Variants in UHRF1 observed in about 807,000 individuals in gnomAD.
UHRF1 encodes the protein ubiquitin like with PHD and ring finger domains 1, also known as E3 ubiquitin-protein ligase UHRF1.
A neutral mutation model predicts 96.5 loss-of-function variants in UHRF1; 9 were observed. The ratio of observed to expected loss-of-function variants is 0.09; its 90% CI spans 0.06 to 0.16. The LOEUF (loss-of-function observed/expected upper bound fraction) is 0.16, where lower values mean the gene tolerates loss of function less well. Among genes scored for constraint, UHRF1 ranks in the 10% least tolerant of loss-of-function variants. The pLI, the probability that UHRF1 is intolerant of heterozygous loss-of-function variation, is 1.00. For synonymous variants in UHRF1, 455 were observed against 469.9 expected, an observed-to-expected ratio of 0.97 and a Z score of 0.41; for missense variants, 626 against 1,131.1, an observed-to-expected ratio of 0.55 and a Z score of 6.40.
intron 16 of UHRF1, 109 bp downstream of exon 16, chr19:4,956,922 G>C (rs899445618): frequency 2.5e-6 from 2 of 788,832 alleles, no homozygotes; most frequent in Non-Finnish European, 4.3e-6. Flanking sequence ...GCTTTGCTCC[G>C]CTCACTCTGC....
chr19:4,917,456 C>T (rs2032559408), intron 2 of UHRF1, among the ~76,000 whole-genome samples: 1 of 151,482 alleles, frequency 6.6e-6, no homozygotes, highest in African/African-American at 2.4e-5. Flanking sequence ...GAGATCGAGA[C>T]CATGCTGGCC....
At chr19:4,926,296 C>A in intron 2 of UHRF1, among the ~76,000 whole-genome samples, 1 of 152,186 alleles carries the variant, frequency 6.6e-6, no homozygotes. Flanking sequence ...GTGCCTCTTC[C>A]TCTCCATCCG....
chr19:4,913,643 G>C (rs764582717), intron 2 of UHRF1, among the ~76,000 whole-genome samples: 1 of 152,096 alleles, frequency 6.6e-6, no homozygotes, highest in African/African-American at 2.4e-5. Flanking sequence ...TGAACAGGGA[G>C]CTGGGATTGG....
chr19:4,943,294 G>C (rs1442734041), intron 7 of UHRF1, among the ~76,000 whole-genome samples: 1 of 152,052 alleles, frequency 6.6e-6, no homozygotes, highest in Non-Finnish European at 1.5e-5. Context: ...GCTTGAGTGG[G>C]TGAGACCTGC....
intron 5 of UHRF1, among the ~76,000 whole-genome samples, chr19:4,933,769 T>C (rs1715665143): frequency 6.6e-6 from 1 of 152,134 alleles, no homozygotes; most frequent in Non-Finnish European, 1.5e-5. Flanking sequence ...GCTGCCGGCT[T>C]TGACTAATAG....
chr19:4,951,815 T>C (rs925818236), intron 13 of UHRF1, among the ~76,000 whole-genome samples: 2 of 151,998 alleles, frequency 1.3e-5, no homozygotes, highest in African/African-American at 4.8e-5. Context: ...CCTGTGGCGA[T>C]GGGAACTGCC....
At chr19:4,946,266 G>A (rs1467350840) in intron 10 of UHRF1, among the ~76,000 whole-genome samples, 1 of 151,546 alleles carries the variant, frequency 6.6e-6, no homozygotes, top group Non-Finnish European at 1.5e-5. Flanking sequence ...CCTGGGAGTG[G>A]AATCGCACGG....
At chr19:4,931,222 G>A (rs262568) in intron 4 of UHRF1, among the ~76,000 whole-genome samples, 76 of 152,272 alleles carry the variant, frequency 5.0e-4, no homozygotes, top group African/African-American at 1.8e-3. Context: ...TGTTTACTGG[G>A]CACTTCCTAC....
intron 12 of UHRF1, 39 bp from the exon 13 acceptor site, chr19:4,950,820 G>A (rs1157691630): frequency 3.1e-6 from 5 of 1,614,034 alleles, no homozygotes; most frequent in Non-Finnish European, 4.2e-6. Flanking sequence ...CGCCGGGGCT[G>A]CCTCTGATGG....
rs1414724760 is a variant in UHRF1 at position 4,932,936 on chromosome 19, C to G, written c.765C>G (p.Leu255=). ...RKRETRTARE[L]YANVVLGDDS... ...GCGAGACCAGGACGGCGCGGGAACT[C>G]TACGCCAACGTGGTGCTGGGGTGAG... The change falls in exon 5 of 17, where the codon CTC becomes CTG. Residue 255 remains leucine (L), a synonymous_variant. Coordinates refer to ENST00000650932, the MANE Select transcript of UHRF1 (RefSeq NM_001048201.3). The G allele has an allele frequency of 4.3e-6, 7 of 1,612,700 alleles. No homozygotes were observed. The highest frequency in any genetic ancestry group is 1.3e-5 in the African/African-American group (1 of 75,040).
At chr19:4,957,577 G>C (rs973372643) in intron 16 of UHRF1, among the ~76,000 whole-genome samples, 1 of 152,058 alleles carries the variant, frequency 6.6e-6, no homozygotes, top group Non-Finnish European at 1.5e-5. Context: ...CAAAGTGCTG[G>C]GATTACAGGT....
At chr19:4,917,821 T>C (rs1213116068) in intron 2 of UHRF1, among the ~76,000 whole-genome samples, 1 of 151,624 alleles carries the variant, frequency 6.6e-6, no homozygotes, top group African/African-American at 2.4e-5. Flanking sequence ...CCACACCCAA[T>C]ATTTAAATTT....
At chr19:4,942,637 C>A (rs533209305) in intron 7 of UHRF1, among the ~76,000 whole-genome samples, 2 of 151,970 alleles carry the variant, frequency 1.3e-5, no homozygotes, top group African/African-American at 4.8e-5. Flanking sequence ...TTAGTAGAGA[C>A]GGGGTTTCAC....
At chr19:4,928,739 C>T (rs974916995) in intron 2 of UHRF1, among the ~76,000 whole-genome samples, 3 of 152,272 alleles carry the variant, frequency 2.0e-5, no homozygotes, top group South Asian at 2.1e-4. Flanking sequence ...TGCCGAGCAG[C>T]GTTCCTGGCC....
At chr19:4,952,808 G>A (rs1193734330) in intron 13 of UHRF1, among the ~76,000 whole-genome samples, 1 of 152,042 alleles carries the variant, frequency 6.6e-6, no homozygotes, top group East Asian at 1.9e-4. Context: ...ATGGAGCGAT[G>A]ATGCCCTGTG....
chr19:4,946,055 C>T lies in UHRF1; in HGVS notation c.1410+90C>T, dbSNP rs569923319. 8.3e-4 allele frequency: 834 copies of T among 1,007,074 alleles called. 4 individuals are homozygous for T. Among genetic ancestry groups the T allele is most frequent in the Non-Finnish European group, 8.9e-4 (619 of 694,510 alleles). 62.4% of individuals were successfully genotyped at this position (1,007,074 alleles called of 1,614,324 possible). ...ATAGAACAAAATTTCCCATCCTAGC[C>T]GTTTTTAAATGCTTGGTTCCCGGTG... is the stretch of plus-strand genomic sequence containing the variant. On this transcript the variant is annotated intron_variant, in intron 10 of 16. Coordinates refer to ENST00000650932, the MANE Select transcript of UHRF1 (RefSeq NM_001048201.3).
chr19:4,929,216 C>T lies in UHRF1; in HGVS notation c.154-6C>T. On this transcript the variant is annotated splice_polypyrimidine_tract_variant and splice_region_variant and intron_variant, in intron 2 of 16. Transcript: ENST00000650932. ...TAAACAGCGTCTGCCTCTGGTGTCCCTGCAGATGGAGGACGGCCATACCCT... is the reference window on the plus strand; with the variant it reads ...TAAACAGCGTCTGCCTCTGGTGTCCTTGCAGATGGAGGACGGCCATACCCT... 6.2e-7 allele frequency: 1 copy of T among 1,608,748 alleles called. No homozygotes were observed. The highest frequency in any genetic ancestry group is 8.5e-7 in the Non-Finnish European group (1 of 1,176,050).
chr19:4,954,166 G>A lies in UHRF1; in HGVS notation c.1819-184G>A, dbSNP rs1022153419. Among the ~76,000 whole-genome samples the A allele has an allele frequency of 3.9e-5, 6 of 152,204 alleles. No homozygotes were observed. Among genetic ancestry groups the A allele is most frequent in the African/African-American group, 1.4e-4 (6 of 41,458 alleles). ...TAGAATATTTCATGTAACATTTTCA[G>A]TTGACTTTGGGTCACTGAAACCTCA... is the stretch of plus-strand genomic sequence containing the variant. On this transcript the variant is annotated intron_variant, in intron 13 of 16. Coordinates refer to ENST00000650932, the MANE Select transcript of UHRF1 (RefSeq NM_001048201.3). The surrounding 1 kb of genome is among the most constrained non-coding windows in gnomAD (Gnocchi z 5.9).
intron 2 of UHRF1, among the ~76,000 whole-genome samples, chr19:4,915,950 T>C (rs567104701): frequency 2.6e-5 from 4 of 152,134 alleles, no homozygotes; most frequent in Non-Finnish European, 5.9e-5. Context: ...CTTTACATCA[T>C]CCAGAATGAT....
Sources: gnomAD v4.1 joint callset for allele counts (sites outside exome capture counted in the v4.1 genomes callset) on GRCh38, gnomAD v4.1.1 for gene constraint, Gnocchi (gnomAD v3.1) non-coding constraint, MANE v1.5 for transcripts, NCBI Gene and HGNC (gene_info 2026-07-23, HGNC 2026-07-21) for gene names.